FARS2: variants seen among roughly 807,000 people sequenced by gnomAD.
FARS2 encodes phenylalanine--tRNA ligase, mitochondrial.
A neutral mutation model predicts 46.4 loss-of-function variants in FARS2; 40 were observed. That is an observed-to-expected ratio of 0.86 (90% CI 0.67 to 1.12). FARS2 has a LOEUF of 1.12. FARS2 is among the 50% of genes most tolerant of loss of function. The pLI is 0.00. For synonymous variants in FARS2, 234 were observed against 214.9 expected (o/e 1.09, Z -0.78); for missense variants, 513 against 567.9 (o/e 0.90, Z 0.98).
At chr6:5,335,099 C>T (rs1171900137) in intron 1 of FARS2, among the ~76,000 whole-genome samples, 1 of 152,142 alleles carries the variant, frequency 6.6e-6, no homozygotes, top group Non-Finnish European at 1.5e-5. Flanking sequence ...TGACATTTGA[C>T]CTGTGAAAGC....
chr6:5,523,672 A>G (rs1013375371), intron 4 of FARS2, among the ~76,000 whole-genome samples: 11 of 152,326 alleles, frequency 7.2e-5, no homozygotes, highest in South Asian at 2.1e-4. Flanking sequence ...TTGGGTGCCA[A>G]TCTAGGCTAC....
chr6:5,654,064 G>T (rs1021352528), intron 6 of FARS2, among the ~76,000 whole-genome samples: 2 of 152,164 alleles, frequency 1.3e-5, no homozygotes, highest in African/African-American at 2.4e-5. Flanking sequence ...ATCACTAGTA[G>T]AGTCAGCAGT....
At chr6:5,705,287 A>G (rs1758670385) in intron 6 of FARS2, among the ~76,000 whole-genome samples, 1 of 152,168 alleles carries the variant, frequency 6.6e-6, no homozygotes, top group South Asian at 2.1e-4. Flanking sequence ...GAAAATCCCC[A>G]TGTTTCTTCT....
chr6:5,724,346 CAG>C (rs749302626), intron 6 of FARS2, among the ~76,000 whole-genome samples: 2 of 152,198 alleles, frequency 1.3e-5, no homozygotes, highest in Non-Finnish European at 1.5e-5. Context: ...CAGGAAATGA[CAG>C]GGGACTCCGT....
intron 5 of FARS2, chr6:5,609,810 G>A (rs1463484886): frequency 1.6e-6 from 2 of 1,223,404 alleles, no homozygotes; most frequent in Non-Finnish European, 1.2e-6. Context: ...TTTCCAAACT[G>A]TTCAAAATAA....
Position 5,348,061 on chromosome 6 carries a change from A to G in FARS2, c.-21-20489A>G, listed in dbSNP as rs183461634. On this transcript the variant is annotated intron_variant, in intron 1 of 6. Coordinates refer to ENST00000274680, the MANE Select transcript of FARS2 (RefSeq NM_006567.5). ...GTCTTTTGATTGTTGAGTTGTAGGA[A>G]TTCTTCATATATCCAGCTGTCAGTT... 1.1e-3 allele frequency among the ~76,000 whole-genome samples: 166 copies of G among 152,182 alleles called. 2 individuals carry two copies. The highest frequency in any genetic ancestry group is 2.6e-3 in the African/African-American group (110 of 41,516).
chr6:5,449,339 T>C (rs568785050), intron 4 of FARS2, among the ~76,000 whole-genome samples: 10 of 98,348 alleles, frequency 1.0e-4, no homozygotes, highest in Admixed American at 1.6e-4. Context: ...ACAGAGTGAG[T>C]AAGACTCCAT....
intron 4 of FARS2, chr6:5,466,913 T>A: frequency 2.0e-6 from 2 of 985,346 alleles, no homozygotes; most frequent in Non-Finnish European, 2.4e-6. Context: ...CACCTCGGCC[T>A]TATGCTGCAG....
At position 5,771,573 on chromosome 6, in the gene FARS2, C is replaced by T. The variant is rs1037115023; in HGVS notation, c.*144C>T. 6 of 865,554 alleles carry T rather than the reference C, an allele frequency of 6.9e-6. No individual in the cohort carries two copies. The African/African-American group carries it at 1.0e-4, about 15-fold the overall frequency. The allele number at this position is 865,554 out of a possible 1,614,324, so 53.6% of individuals were successfully genotyped here. A position where few individuals can be genotyped will look rare whatever the true frequency, so the allele number is the denominator to read the frequency against. On this transcript the variant is annotated 3_prime_UTR_variant, in exon 7 of 7. Transcript: ENST00000274680. ...GACTTTCAGAAAATAAAAGATCGCT[C>T]TTGAAAAGCTGTTGACATAGCATTT... is the stretch of plus-strand genomic sequence containing the variant.
At chr6:5,356,044 A>G (rs750645136) in intron 1 of FARS2, among the ~76,000 whole-genome samples, 2 of 152,220 alleles carry the variant, frequency 1.3e-5, no homozygotes, top group Admixed American at 6.5e-5. Flanking sequence ...GAACACGGTG[A>G]TGTTCTGCCT....
the FARS2 span, among the ~76,000 whole-genome samples, chr6:5,255,738 A>G: frequency 1.3e-5 from 2 of 152,028 alleles, no homozygotes; most frequent in African/African-American, 4.8e-5. Flanking sequence ...GGCATGACCA[A>G]ACTTTTGGGC....
intron 4 of FARS2, among the ~76,000 whole-genome samples, chr6:5,543,647 C>T (rs1382036176): frequency 1.3e-5 from 2 of 152,088 alleles, no homozygotes; most frequent in Admixed American, 1.3e-4. Context: ...AGGCGTGAGC[C>T]ACCGCTCCTG....
At chr6:5,690,873 A>G (rs1030910504) in intron 6 of FARS2, among the ~76,000 whole-genome samples, 2 of 151,968 alleles carry the variant, frequency 1.3e-5, no homozygotes, top group Non-Finnish European at 2.9e-5. Context: ...ATAGTCCCAT[A>G]TTTCTTGGAG....
intron 5 of FARS2, among the ~76,000 whole-genome samples, chr6:5,576,122 A>G (rs952861429): frequency 4.6e-5 from 7 of 152,218 alleles, no homozygotes; most frequent in Non-Finnish European, 8.8e-5. Flanking sequence ...TTTAGCATCC[A>G]TTAATGTTTT....
intron 4 of FARS2, among the ~76,000 whole-genome samples, chr6:5,468,778 T>A (rs1316893256): frequency 6.6e-6 from 1 of 152,214 alleles, no homozygotes; most frequent in Non-Finnish European, 1.5e-5. Flanking sequence ...GTTTCTGATC[T>A]TACACAGGAA....
chr6:5,396,556 T>C (rs1372880798), intron 2 of FARS2, among the ~76,000 whole-genome samples: 4 of 152,164 alleles, frequency 2.6e-5, no homozygotes, highest in Admixed American at 2.6e-4. Flanking sequence ...AACTTCCACT[T>C]CTTTCACAGA....
intron 4 of FARS2, among the ~76,000 whole-genome samples, chr6:5,524,861 G>T (rs997530577): frequency 3.3e-5 from 5 of 152,176 alleles, no homozygotes; most frequent in Admixed American, 3.3e-4. Context: ...GTATGGCTAT[G>T]CTTATAGGAC....
Position 5,472,309 on chromosome 6 carries a change from C to T in FARS2, c.904+41137C>T, listed in dbSNP as rs541592180. 5.9e-5 allele frequency among the ~76,000 whole-genome samples: 9 copies of T among 152,260 alleles called. No individual in the cohort carries two copies. In the East Asian group the frequency reaches 1.7e-3, roughly 29 times the overall value. On this transcript the variant is annotated intron_variant, in intron 4 of 6. Transcript: ENST00000274680. The stretch of plus-strand genomic sequence containing the variant: ...TACCACAACAATTAGTCATGGATCG[C>T]TGAAGGCAGGGCCCCCAAATGTGAT...
At chr6:5,513,562 G>A (rs778868783) in intron 4 of FARS2, among the ~76,000 whole-genome samples, 2 of 152,208 alleles carry the variant, frequency 1.3e-5, no homozygotes, top group African/African-American at 4.8e-5. Flanking sequence ...CATCCAGGGC[G>A]CCTGTGTCTT....
Sources: gnomAD v4.1 joint callset for allele counts (sites outside exome capture counted in the v4.1 genomes callset) on GRCh38, gnomAD v4.1.1 for gene constraint, MANE v1.5 for transcripts, NCBI Gene and HGNC (gene_info 2026-07-23, HGNC 2026-07-21) for gene names.